OPCML: variants seen among roughly 807,000 people sequenced by gnomAD.
OPCML encodes opioid-binding protein/cell adhesion molecule.
In OPCML, 13 loss-of-function variants were observed where a neutral mutation model predicts 37.8. The ratio of observed to expected loss-of-function variants is 0.34; its 90% CI spans 0.22 to 0.55. OPCML has a LOEUF of 0.55. OPCML is among the 20% of genes least tolerant of loss of function. The probability of loss-of-function intolerance (pLI) is 0.91; values close to 1 mark genes in which losing one functional copy is unlikely to be tolerated. For missense variants in OPCML, 341 were observed against 435.6 expected, an observed-to-expected ratio of 0.78 and a Z score of 1.93; for synonymous variants, 176 against 168.8, an observed-to-expected ratio of 1.04 and a Z score of -0.33.
At chr11:132,955,679 C>G (rs534085141) in intron 1 of OPCML, among the ~76,000 whole-genome samples, 1 of 151,992 alleles carries the variant, frequency 6.6e-6, no homozygotes, top group African/African-American at 2.4e-5. Flanking sequence ...GTCAGGAGTT[C>G]GAGACCATCC....
At chr11:133,062,705 C>T (rs1325106595) in intron 1 of OPCML, among the ~76,000 whole-genome samples, 1 of 152,232 alleles carries the variant, frequency 6.6e-6, no homozygotes, top group Non-Finnish European at 1.5e-5. Flanking sequence ...CCACTGCCCA[C>T]TCTTGCTGCC....
intron 1 of OPCML, among the ~76,000 whole-genome samples, chr11:133,110,056 A>G (rs527242706): frequency 3.3e-4 from 50 of 152,310 alleles, no homozygotes; most frequent in African/African-American, 1.1e-3. Flanking sequence ...GGTGAGCAGA[A>G]CCAGGAAAGC....
chr11:132,614,563 G>A (rs1938870307), intron 3 of OPCML, among the ~76,000 whole-genome samples: 3 of 152,084 alleles, frequency 2.0e-5, no homozygotes, highest in South Asian at 4.1e-4. Flanking sequence ...CTCTCCCCAC[G>A]AATGAGCTGC....
intron 2 of OPCML, among the ~76,000 whole-genome samples, chr11:132,685,243 GC>G (rs1316907566): frequency 6.6e-6 from 1 of 152,290 alleles, no homozygotes; most frequent in Admixed American, 6.5e-5. Flanking sequence ...CATTGGAATA[GC>G]TTTTCAGTGT....
At chr11:132,951,569 G>A (rs1945862038) in intron 1 of OPCML, among the ~76,000 whole-genome samples, 1 of 152,214 alleles carries the variant, frequency 6.6e-6, no homozygotes, top group South Asian at 2.1e-4. Context: ...CGACATCAGT[G>A]TTAAGTGAAA....
intron 1 of OPCML, among the ~76,000 whole-genome samples, chr11:133,285,299 GA>G (rs1565548877): frequency 6.6e-6 from 1 of 152,190 alleles, no homozygotes; most frequent in Non-Finnish European, 1.5e-5. Context: ...TAAGTTATCT[GA>G]CTTCCCCTAC....
In OPCML at chr11:132,518,672, A is replaced by C. The variant is rs562197725; in HGVS notation, c.505+10389T>G. ...AATGTCACTATCTCAGGGAAAAGTT[A>C]CCCTAGGCTATACCACACTTTTTCC... On this transcript the variant is annotated intron_variant, in intron 4 of 7. Coordinates refer to ENST00000524381, the MANE Select transcript of OPCML (RefSeq NM_001012393.5). 1.1e-4 allele frequency among the ~76,000 whole-genome samples: 17 copies of C among 152,230 alleles called. No individual in the cohort carries two copies. The South Asian group carries it at 3.5e-3, about 32-fold the overall frequency.
intron 3 of OPCML, among the ~76,000 whole-genome samples, chr11:132,636,833 T>C (rs1323349104): frequency 6.6e-6 from 1 of 152,186 alleles, no homozygotes; most frequent in Non-Finnish European, 1.5e-5. Context: ...GTCTGCTCAC[T>C]AATAAGCTTC....
At chr11:133,237,807 C>T (rs1458833995) in intron 1 of OPCML, among the ~76,000 whole-genome samples, 3 of 152,156 alleles carry the variant, frequency 2.0e-5, no homozygotes, top group Non-Finnish European at 4.4e-5. Context: ...ATCTACCAAC[C>T]CCACTGCCAA....
intron 4 of OPCML, among the ~76,000 whole-genome samples, chr11:132,441,165 G>GTTTTTTTTTTTTTTTGTTT (rs2096032025): frequency 5.5e-5 from 4 of 72,402 alleles, no homozygotes; most frequent in African/African-American, 1.1e-4. Context: ...GGACTTTTTT[G>GTTTTTTTTTTTTTTTGTTT]TTTTTTTTTT....
chr11:133,143,903 A>G (rs893790292), intron 1 of OPCML, among the ~76,000 whole-genome samples: 1 of 152,188 alleles, frequency 6.6e-6, no homozygotes, highest in Non-Finnish European at 1.5e-5. Flanking sequence ...AGGCAGGAAG[A>G]GGTAAGAGAG....
intron 1 of OPCML, among the ~76,000 whole-genome samples, chr11:133,327,511 T>A (rs1205311295): frequency 6.6e-6 from 1 of 151,984 alleles, no homozygotes; most frequent in African/African-American, 2.4e-5. Flanking sequence ...TAGCATTGGA[T>A]TCTCTGAAAC....
At chr11:133,284,373 G>A (rs1942241468) in intron 1 of OPCML, among the ~76,000 whole-genome samples, 1 of 152,186 alleles carries the variant, frequency 6.6e-6, no homozygotes, top group African/African-American at 2.4e-5. Context: ...CACTGAAAAT[G>A]TCAGAAAGCA....
chr11:132,822,431 A>G (rs1328866546), intron 2 of OPCML, among the ~76,000 whole-genome samples: 1 of 152,184 alleles, frequency 6.6e-6, no homozygotes, highest in Non-Finnish European at 1.5e-5. Flanking sequence ...GGAGTCTCTG[A>G]GGCGGTGAAT....
intron 2 of OPCML, among the ~76,000 whole-genome samples, chr11:132,821,516 C>T (rs142845751): frequency 2.0e-5 from 3 of 152,306 alleles, no homozygotes; most frequent in South Asian, 2.1e-4. Context: ...TGATTCCCTC[C>T]TGGAAAGACT....
intron 1 of OPCML, chr11:133,365,768 T>A (rs754567734): frequency 6.6e-6 from 1 of 152,236 alleles, no homozygotes; most frequent in African/African-American, 2.4e-5. Flanking sequence ...TTCATGCTAG[T>A]CACCTCTTGG....
At chr11:132,497,120 CCTCAGAAACGAA>C (rs1480112705) in intron 4 of OPCML, among the ~76,000 whole-genome samples, 2 of 152,102 alleles carry the variant, frequency 1.3e-5, no homozygotes, top group African/African-American at 4.8e-5. Flanking sequence ...AACCCATTAT[CCTCAGAAACGAA>C]CTCAGAAACA....
intron 1 of OPCML, among the ~76,000 whole-genome samples, chr11:133,465,144 G>T (rs1046542933): frequency 6.6e-6 from 1 of 152,124 alleles, no homozygotes; most frequent in African/African-American, 2.4e-5. Context: ...CCTTCTGAAG[G>T]CTTCAAGAGA....
chr11:132,469,680 A>G (rs1354630989), intron 4 of OPCML, among the ~76,000 whole-genome samples: 60 of 43,572 alleles, frequency 1.4e-3, no homozygotes, highest in Admixed American at 1.7e-3. Flanking sequence ...GTGTGTGTAT[A>G]TGTGTGGGGG....
Sources: allele counts gnomAD v4.1 joint callset (sites outside exome capture counted in the v4.1 genomes callset), GRCh38; gene constraint gnomAD v4.1.1; transcripts MANE v1.5; gene names NCBI Gene and HGNC (gene_info 2026-07-23, HGNC 2026-07-21).